PDGFA: variants seen among roughly 807,000 people sequenced by gnomAD.
PDGFA encodes the protein platelet-derived growth factor subunit A.
PDGFA carries 9 observed loss-of-function variants against 25.6 expected under a neutral mutation model. That is an observed-to-expected ratio of 0.35 (90% CI 0.21 to 0.61). The LOEUF (loss-of-function observed/expected upper bound fraction) is 0.61, where lower values mean the gene tolerates loss of function less well. Ranked by LOEUF, PDGFA falls within the 20% of genes least tolerant of loss-of-function variation. The pLI, the probability that PDGFA is intolerant of heterozygous loss-of-function variation, is 0.75. For missense variants in PDGFA, 242 were observed against 272.8 expected, an observed-to-expected ratio of 0.89 and a Z score of 0.79; for synonymous variants, 133 against 111.8, an observed-to-expected ratio of 1.19 and a Z score of -1.20.
chr7:513,805 G>A (rs771763889), intron 2 of PDGFA, among the ~76,000 whole-genome samples: 3 of 152,180 alleles, frequency 2.0e-5, no homozygotes, highest in South Asian at 2.1e-4. Context: ...AATGAAGCCC[G>A]CAAACCTCAC....
chr7:497,969 A>AAAAAAC (rs1583133471), exon 6 of PDGFA: 6 of 133,746 alleles, frequency 4.5e-5, no homozygotes, highest in Admixed American at 2.4e-4. Context: ...CAAAAAAAAA[A>AAAAAAC]AAAACAAAAC....
In PDGFA at chr7:500,752, T is replaced by G; in HGVS notation, c.580+364A>C. On this transcript the variant is annotated intron_variant, in intron 5 of 5. Coordinates refer to ENST00000402802, the Ensembl canonical transcript of PDGFA. The surrounding 1 kb of genome is among the most constrained non-coding windows in gnomAD (Gnocchi z 5.0). Reference sequence around the variant, plus strand: ...CCCCAGCCAGCCAGGGCAACTGCAGTCCTCGAACCTGCTCCTCCCGCCCAC... The same window carrying G: ...CCCCAGCCAGCCAGGGCAACTGCAGGCCTCGAACCTGCTCCTCCCGCCCAC... 1 of 1,436,748 alleles carries G rather than the reference T, an allele frequency of 7.0e-7. No individual in the cohort carries two copies. Among genetic ancestry groups the G allele is most frequent in the Non-Finnish European group, 9.1e-7 (1 of 1,099,218 alleles). The allele number at this position is 1,436,748 out of a possible 1,614,324, so 89.0% of individuals were successfully genotyped here.
intron 4 of PDGFA, among the ~76,000 whole-genome samples, chr7:508,900 C>T (rs112858587): frequency 0.26 from 38,893 of 152,222 alleles, 5,315 homozygotes; most frequent in Middle Eastern, 0.33. Context: ...AGGCAGGAAA[C>T]CTCCCTTGCA....
At chr7:506,127 T>G (rs9718470) in intron 4 of PDGFA, among the ~76,000 whole-genome samples, 68,597 of 147,478 alleles carry the variant, frequency 0.47, 16,286 homozygotes, top group Non-Finnish European at 0.51. Flanking sequence ...AGTGAGCTGA[T>G]ATCGGGCCAC....
chr7:515,174 G>A lies in PDGFA; in HGVS notation c.160+2220C>T, dbSNP rs572641358. Among the ~76,000 whole-genome samples, 8 of 152,322 alleles carry A rather than the reference G, an allele frequency of 5.3e-5. No individual in the cohort carries two copies. In the East Asian group the frequency reaches 1.5e-3, roughly 29 times the overall value. ...GAGGCACCTAATGCCAAGAACATCA[G>A]CCTGGAAGGGTTATAAAGGGACTCC... On this transcript the variant is annotated intron_variant, in intron 2 of 5. Coordinates refer to ENST00000402802, the Ensembl canonical transcript of PDGFA.
In PDGFA at chr7:512,382, C is replaced by T. The variant is rs1409088383; in HGVS notation, c.234G>A (p.Arg78=). ...TTCTCTTCCTCCGAATGGGCAGGGG[C>T]CGCTTCTCGGGCACATGCTTAGTGG... Residue 78 remains arginine, a synonymous_variant, in exon 3 of 6, where the codon CGG becomes CGA. Coordinates refer to ENST00000402802, the Ensembl canonical transcript of PDGFA. 3 of 1,613,668 alleles carry T rather than the reference C, an allele frequency of 1.9e-6. No homozygotes were observed. In the South Asian group the frequency reaches 3.3e-5, roughly 18 times the overall value.
intron 2 of PDGFA, among the ~76,000 whole-genome samples, chr7:514,073 C>T (rs1274788551): frequency 2.0e-5 from 3 of 152,196 alleles, no homozygotes; most frequent in South Asian, 2.1e-4. Context: ...GTTCTCCACT[C>T]GTAGGAGAAA....
At chr7:506,786 C>G (rs1236892425) in intron 4 of PDGFA, among the ~76,000 whole-genome samples, 1 of 152,204 alleles carries the variant, frequency 6.6e-6, no homozygotes, top group South Asian at 2.1e-4. Context: ...GTCACTCCCC[C>G]AGGGCTGCCG....
rs539982748 is a variant in PDGFA at position 504,186 on chromosome 7, C to T, written c.454-2944G>A. ...CTGGCGTGGATTCTAATCCAGAGCCCCAAAACCAACCCACCCCCTGGTCCC... is the reference window on the plus strand; with the variant it reads ...CTGGCGTGGATTCTAATCCAGAGCCTCAAAACCAACCCACCCCCTGGTCCC... On this transcript the variant is annotated intron_variant, in intron 4 of 5. Transcript: ENST00000402802. 2.0e-4 allele frequency among the ~76,000 whole-genome samples: 31 copies of T among 152,246 alleles called. No homozygotes were observed. The South Asian group carries it at 6.2e-3, about 31-fold the overall frequency.
Position 510,804 on chromosome 7 carries a change from C to A in PDGFA, c.453+5G>T. The A allele has an allele frequency of 6.8e-7, 1 of 1,477,738 alleles. No individual in the cohort carries two copies. The highest frequency in any genetic ancestry group is 9.0e-7 in the Non-Finnish European group (1 of 1,107,152). The allele number at this position is 1,477,738 out of a possible 1,614,324, so 91.5% of individuals were successfully genotyped here. On this transcript the variant is annotated splice_donor_5th_base_variant and intron_variant, in intron 4 of 5. Transcript: ENST00000402802. The stretch of plus-strand genomic sequence containing the variant: ...GAGGGGAGGGGAGGGGAGGGGAGGG[C>A]TCACCTTGACGCTGCGGTGGTGGAC...
upstream of PDGFA, chr7:519,822 GGCGGGCTCCGCAGGGC>G (rs1783290069): frequency 6.7e-6 from 1 of 148,968 alleles, no homozygotes; most frequent in Admixed American, 6.7e-5. Context: ...GCCGGAGTTG[GGCGGGCTCCGCAGGGC>G]GCGCGTGTGG....
chr7:516,202 G>A (rs1783091731), intron 2 of PDGFA, among the ~76,000 whole-genome samples: 2 of 140,142 alleles, frequency 1.4e-5, no homozygotes, highest in South Asian at 4.6e-4. Flanking sequence ...AAACTCTACC[G>A]CACCCCCCAC....
In PDGFA at chr7:506,368, G is replaced by A. The variant is rs192039662; in HGVS notation, c.453+4441C>T. ...GAAGCAATGCCCAGACCTCAAGCTCGTGTAAGAGGCCCCTGCCCAGCCTGG... is the reference window on the plus strand; with the variant it reads ...GAAGCAATGCCCAGACCTCAAGCTCATGTAAGAGGCCCCTGCCCAGCCTGG... On this transcript the variant is annotated intron_variant, in intron 4 of 5. Coordinates refer to ENST00000402802, the Ensembl canonical transcript of PDGFA. 2.4e-3 allele frequency among the ~76,000 whole-genome samples: 370 copies of A among 152,022 alleles called. 3 individuals are homozygous for A. The highest frequency in any genetic ancestry group is 3.9e-3 in the Non-Finnish European group (267 of 67,972).
chr7:519,733 C>T (rs1783285439), upstream of PDGFA, among the ~76,000 whole-genome samples: 1 of 146,480 alleles, frequency 6.8e-6, no homozygotes, highest in Non-Finnish European at 1.5e-5. Context: ...GGCCTGAGGG[C>T]GGGCGCAAGG....
At chr7:514,955 C>G (rs756016010) in intron 2 of PDGFA, among the ~76,000 whole-genome samples, 3 of 150,518 alleles carry the variant, frequency 2.0e-5, no homozygotes, top group African/African-American at 4.9e-5. Flanking sequence ...CAGCCACAGT[C>G]AAGGAGCGGC....
At chr7:510,542 C>T (rs1253269673) in intron 4 of PDGFA, among the ~76,000 whole-genome samples, 5 of 77,470 alleles carry the variant, frequency 6.5e-5, no homozygotes, top group African/African-American at 1.1e-4. Context: ...GTGGTGGACG[C>T]GGGAGGGACC....
exon 6 of PDGFA, chr7:497,869 T>TAAAAAAAAAAAAAAAAAAAAAAAAAA (rs377428492): frequency 4.0e-5 from 1 of 24,982 alleles, no homozygotes; most frequent in Non-Finnish European, 6.5e-5. Context: ...AAGAGATAAT[T>TAAAAAAAAAAAAAAAAAAAAAAAAAA]AAAAAAAAAA....
intron 3 of PDGFA, among the ~76,000 whole-genome samples, chr7:511,518 C>T (rs1268444951): frequency 6.6e-6 from 1 of 152,136 alleles, no homozygotes; most frequent in East Asian, 1.9e-4. Context: ...GCAGACCCCA[C>T]AGCAAATGTC....
Position 500,883 on chromosome 7 carries a change from T to A in PDGFA, c.580+233A>T, listed in dbSNP as rs1782300724. The A allele has an allele frequency of 3.8e-6, 6 of 1,571,170 alleles. No individual in the cohort carries two copies. In the Admixed American group the frequency reaches 5.3e-5, roughly 14 times the overall value. The stretch of plus-strand genomic sequence containing the variant: ...AGCCCCTCTCAGTGAGACCTGAATC[T>A]CCTCTCCTGCCAGTGCCGCAGCTTG... On this transcript the variant is annotated intron_variant, in intron 5 of 5. Coordinates refer to ENST00000402802, the Ensembl canonical transcript of PDGFA. The surrounding 1 kb of genome is among the most constrained non-coding windows in gnomAD (Gnocchi z 5.0).
Sources: allele counts gnomAD v4.1 joint callset (sites outside exome capture counted in the v4.1 genomes callset), GRCh38; gene constraint gnomAD v4.1.1; non-coding constraint Gnocchi (gnomAD v3.1); transcripts MANE v1.5; gene names NCBI Gene and HGNC (gene_info 2026-07-23, HGNC 2026-07-21).